The following SLIT3 variants were observed in gnomAD, a reference collection of about 807,000 sequenced individuals.
SLIT3 encodes slit homolog 3 protein.
Under a neutral mutation model 184.0 loss-of-function variants are expected in SLIT3, and 68 were observed. The observed-to-expected ratio is 0.37, with a 90% confidence interval of 0.30 to 0.45. The LOEUF (loss-of-function observed/expected upper bound fraction) is 0.45. SLIT3 is among the 20% of genes least tolerant of loss of function. The pLI is 1.00. For missense variants in SLIT3, 1,707 were observed against 2,026.0 expected, an observed-to-expected ratio of 0.84 and a Z score of 3.02; for synonymous variants, 831 against 828.6, an observed-to-expected ratio of 1.00 and a Z score of -0.05.
At chr5:168,835,013 T>C (rs1758003353) in intron 6 of SLIT3, among the ~76,000 whole-genome samples, 1 of 152,162 alleles carries the variant, frequency 6.6e-6, no homozygotes. Context: ...ATTCAGTTTC[T>C]CAGTTGTGTA....
intron 5 of SLIT3, among the ~76,000 whole-genome samples, chr5:168,869,610 C>T (rs569308781): frequency 1.3e-5 from 2 of 152,244 alleles, no homozygotes; most frequent in Non-Finnish European, 2.9e-5. Context: ...AAATTATGGG[C>T]TTTAGAAGTT....
chr5:168,907,971 TATATATATAGAGAGAGAG>T, intron 4 of SLIT3, among the ~76,000 whole-genome samples: 1 of 71,112 alleles, frequency 1.4e-5, no homozygotes, highest in African/African-American at 6.2e-5. Context: ...TATATATATA[TATATATATAGAGAGAGAG>T]AGAGAGAGAG....
chr5:168,885,731 T>G (rs1246837368), intron 4 of SLIT3, among the ~76,000 whole-genome samples: 2 of 152,106 alleles, frequency 1.3e-5, no homozygotes, highest in Non-Finnish European at 2.9e-5. Flanking sequence ...GGAGAGAGGT[T>G]TAGAGCTGTC....
intron 4 of SLIT3, among the ~76,000 whole-genome samples, chr5:169,192,297 T>C (rs968318585): frequency 6.6e-6 from 1 of 152,136 alleles, no homozygotes; most frequent in African/African-American, 2.4e-5. Flanking sequence ...AGAGGAGACC[T>C]GACAAAGTGC....
At chr5:169,239,261 T>C (rs1442450717) in intron 3 of SLIT3, among the ~76,000 whole-genome samples, 1 of 152,176 alleles carries the variant, frequency 6.6e-6, no homozygotes, top group Non-Finnish European at 1.5e-5. Flanking sequence ...GTTAGGAAAT[T>C]TGTAAAAATA....
intron 4 of SLIT3, among the ~76,000 whole-genome samples, chr5:168,955,399 T>C (rs1260460664): frequency 6.6e-6 from 1 of 152,172 alleles, no homozygotes; most frequent in Non-Finnish European, 1.5e-5. Context: ...TAGGACTCAA[T>C]TGCTCCCCAC....
Position 169,256,647 on chromosome 5 carries a change from GCCA to G in SLIT3, c.198-5191_198-5189del, listed in dbSNP as rs553588687. On this transcript the variant is annotated intron_variant, in intron 1 of 35. Coordinates refer to ENST00000519560, the MANE Select transcript of SLIT3 (RefSeq NM_003062.4). ...GAGGTGGAACAGAAAGGAGGAGAAA[GCCA>G]CCTTCTGAATACACAATATTTACCA... is the stretch of plus-strand genomic sequence containing the variant. Among the ~76,000 whole-genome samples, 20 of 152,288 alleles carry G rather than the reference GCCA, an allele frequency of 1.3e-4. 1 individual carries two copies. In the South Asian group the frequency reaches 4.2e-3, roughly 32 times the overall value.
intron 1 of SLIT3, among the ~76,000 whole-genome samples, chr5:169,271,096 C>T (rs1433140409): frequency 6.6e-6 from 1 of 152,140 alleles, no homozygotes; most frequent in African/African-American, 2.4e-5. Context: ...AATGGTGGCC[C>T]AGGAATTCAG....
At chr5:169,185,300 T>C (rs538805581) in intron 4 of SLIT3, among the ~76,000 whole-genome samples, 2 of 152,284 alleles carry the variant, frequency 1.3e-5, no homozygotes, top group African/African-American at 2.4e-5. Context: ...ACATTTTCCA[T>C]GAGCTTTGGG....
At chr5:168,843,539 G>A (rs1758344189) in intron 6 of SLIT3, among the ~76,000 whole-genome samples, 1 of 152,166 alleles carries the variant, frequency 6.6e-6, no homozygotes, top group Admixed American at 6.5e-5. Flanking sequence ...GAAAGGGGAA[G>A]TCACTCCCAA....
At chr5:169,299,082 G>A (rs4242184) in intron 1 of SLIT3, among the ~76,000 whole-genome samples, 114,318 of 152,088 alleles carry the variant, frequency 0.75, 43,113 homozygotes, top group African/African-American at 0.79. Context: ...CTTTATTGCC[G>A]TCAACTTGCT....
At chr5:169,192,026 G>A (rs1304719439) in intron 4 of SLIT3, among the ~76,000 whole-genome samples, 1 of 152,176 alleles carries the variant, frequency 6.6e-6, no homozygotes, top group Non-Finnish European at 1.5e-5. Flanking sequence ...AGTACTGGGT[G>A]GAGAGATAGT....
At chr5:168,830,109 G>C (rs907801891) in intron 6 of SLIT3, among the ~76,000 whole-genome samples, 9 of 152,138 alleles carry the variant, frequency 5.9e-5, no homozygotes, top group African/African-American at 2.2e-4. Context: ...AAGAGTGATC[G>C]TTATTGGCTG....
intron 4 of SLIT3, among the ~76,000 whole-genome samples, chr5:169,164,172 A>G (rs775549247): frequency 1.2e-4 from 19 of 152,362 alleles, no homozygotes; most frequent in African/African-American, 1.9e-4. Flanking sequence ...AGTCTGGTCA[A>G]TTGTTTTAGA....
intron 20 of SLIT3, among the ~76,000 whole-genome samples, chr5:168,727,972 G>A (rs1255348820): frequency 6.6e-6 from 1 of 152,108 alleles, no homozygotes. Context: ...GCTGGTCCAG[G>A]GAGGATCTCT....
chr5:168,883,792 G>C (rs1052869082), intron 4 of SLIT3, among the ~76,000 whole-genome samples: 1 of 152,040 alleles, frequency 6.6e-6, no homozygotes, highest in African/African-American at 2.4e-5. Flanking sequence ...TTTGTCACAG[G>C]GGATTGGAAC....
At chr5:168,935,108 A>C (rs1301358598) in intron 4 of SLIT3, among the ~76,000 whole-genome samples, 1 of 147,786 alleles carries the variant, frequency 6.8e-6, no homozygotes, top group Admixed American at 6.8e-5. Context: ...ACTGCACTCC[A>C]GCCTGGGTGA....
At chr5:168,825,479 G>T (rs1157970085) in intron 6 of SLIT3, among the ~76,000 whole-genome samples, 5 of 151,730 alleles carry the variant, frequency 3.3e-5, no homozygotes, top group African/African-American at 1.2e-4. Context: ...TATTTACTGT[G>T]CACCTACCAT....
chr5:169,075,809 C>G (rs1390554104), intron 4 of SLIT3, among the ~76,000 whole-genome samples: 1 of 152,224 alleles, frequency 6.6e-6, no homozygotes, highest in Non-Finnish European at 1.5e-5. Context: ...GTACTTTCTC[C>G]AGCCATGCTA....
Sources: allele counts gnomAD v4.1 joint callset (sites outside exome capture counted in the v4.1 genomes callset), GRCh38; gene constraint gnomAD v4.1.1; transcripts MANE v1.5; gene names NCBI Gene and HGNC (gene_info 2026-07-23, HGNC 2026-07-21).